The following FLACC1 variants were observed in gnomAD, a reference collection of about 807,000 sequenced individuals.
FLACC1 encodes flagellum associated containing coiled-coil domains 1.
FLACC1 carries 66 observed loss-of-function variants against 62.8 expected under a neutral mutation model. That is an observed-to-expected ratio of 1.05 (90% CI 0.86 to 1.29). FLACC1 has a LOEUF of 1.29. Among genes scored for constraint, FLACC1 ranks in the 50% most tolerant of loss-of-function variants. FLACC1 has a pLI of 0.00. For missense variants in FLACC1, 452 were observed against 489.1 expected (o/e 0.92, Z 0.71); for synonymous variants, 156 against 161.0 (o/e 0.97, Z 0.24).
Position 201,346,301 on chromosome 2 carries a change from TA to T in FLACC1, c.368+240del, listed in dbSNP as rs1221383254. ...TTGCTATCCTTTGGGATCAATCACA[TA>T]ACTCCCAATCTTCATCCTGCCCCTT... On this transcript the variant is annotated intron_variant, in intron 5 of 14. Coordinates refer to ENST00000392257, the MANE Select transcript of FLACC1 (RefSeq NM_001127391.3). The surrounding 1 kb of genome is among the most constrained non-coding windows in gnomAD (Gnocchi z 4.0). 6.6e-6 allele frequency among the ~76,000 whole-genome samples: 1 copy of T among 152,200 alleles called. No homozygotes were observed. The highest frequency in any genetic ancestry group is 1.5e-5 in the Non-Finnish European group (1 of 68,028).
intron 7 of FLACC1, among the ~76,000 whole-genome samples, chr2:201,334,086 C>A (rs1950647287): frequency 6.6e-6 from 1 of 152,190 alleles, no homozygotes; most frequent in African/African-American, 2.4e-5. Context: ...TGTTTCCTGA[C>A]TTTTTAATGA....
chr2:201,351,171 G>A, intron 2 of FLACC1, 121 bp downstream of exon 2: 1 of 872,504 alleles, frequency 1.1e-6, no homozygotes, highest in East Asian at 2.7e-5. Context: ...GGAAAGCGAG[G>A]CTTTCTGGCC....
chr2:201,341,942 G>A (rs1415271520), intron 7 of FLACC1, among the ~76,000 whole-genome samples: 1 of 151,874 alleles, frequency 6.6e-6, no homozygotes, highest in East Asian at 1.9e-4. Context: ...TTCCTATTTT[G>A]CTGAGGCCCT....
rs745631054 is a variant in FLACC1 at position 201,346,601 on chromosome 2, C to G, written c.309G>C (p.Glu103Asp). Residue 103 changes from glutamate to aspartate, a missense_variant, in exon 5 of 15, where the codon GAG (glutamate) becomes GAC (aspartate). Around this residue, in one of 3 missense-constraint regions of FLACC1, gnomAD observed 147 missense variants for 152.7 expected, o/e 0.96. Coordinates refer to ENST00000392257, the MANE Select transcript of FLACC1 (RefSeq NM_001127391.3). The surrounding 1 kb of genome is among the most constrained non-coding windows in gnomAD (Gnocchi z 4.0). ...REQISVTLGD[E>D]MFDRKKRWES... ...CCCACCGCTTTTTCCTATCAAACATCTCATCCCCTAAGGTGACAGAAATCT... is the reference window on the plus strand; with the variant it reads ...CCCACCGCTTTTTCCTATCAAACATGTCATCCCCTAAGGTGACAGAAATCT... 3.1e-6 allele frequency: 5 copies of G among 1,614,254 alleles called. No individual in the cohort carries two copies. The highest frequency in any genetic ancestry group is 1.1e-5 in the South Asian group (1 of 91,088).
intron 9 of FLACC1, among the ~76,000 whole-genome samples, chr2:201,309,905 C>CAAAAAAAA (rs1161849891): frequency 8.7e-4 from 39 of 44,644 alleles, no homozygotes; most frequent in African/African-American, 1.0e-3. Context: ...GACTCTGTCT[C>CAAAAAAAA]AAAAAAAAAA....
At chr2:201,327,062 A>C (rs1316291634) in intron 9 of FLACC1, among the ~76,000 whole-genome samples, 1 of 152,216 alleles carries the variant, frequency 6.6e-6, no homozygotes, top group Non-Finnish European at 1.5e-5. Context: ...AAACAAAAAC[A>C]TAAATTGGGG....
chr2:201,343,262 T>G (rs1950846765), intron 6 of FLACC1, among the ~76,000 whole-genome samples: 1 of 152,252 alleles, frequency 6.6e-6, no homozygotes, highest in Non-Finnish European at 1.5e-5. Context: ...TTCAGCAGGA[T>G]CTGTGCCTAT....
intron 9 of FLACC1, among the ~76,000 whole-genome samples, chr2:201,317,406 C>T (rs886873985): frequency 3.9e-5 from 6 of 152,174 alleles, no homozygotes; most frequent in Admixed American, 2.6e-4. Context: ...ACACTGACAG[C>T]GACTAAGGTG....
intron 9 of FLACC1, among the ~76,000 whole-genome samples, chr2:201,311,549 CAG>C (rs1303243120): frequency 1.3e-5 from 2 of 151,674 alleles, no homozygotes; most frequent in Non-Finnish European, 2.9e-5. Context: ...CCCACATCTA[CAG>C]AAAAAATAAA....
intron 12 of FLACC1, among the ~76,000 whole-genome samples, chr2:201,290,807 T>G (rs1047098471): frequency 6.6e-6 from 1 of 152,166 alleles, no homozygotes; most frequent in African/African-American, 2.4e-5. Flanking sequence ...AGATGGCACC[T>G]GGAAAATCAG....
chr2:201,319,969 C>T (rs1011833200), intron 9 of FLACC1, among the ~76,000 whole-genome samples: 1 of 152,196 alleles, frequency 6.6e-6, no homozygotes, highest in African/African-American at 2.4e-5. Flanking sequence ...GGGGGACTCA[C>T]CCTACATTAC....
chr2:201,364,227 G>C, the FLACC1 span, among the ~76,000 whole-genome samples: 1 of 151,702 alleles, frequency 6.6e-6, no homozygotes, highest in African/African-American at 2.4e-5. Flanking sequence ...ACCCTACCCA[G>C]CATTCTTTAT....
chr2:201,306,033 T>C (rs1456707661), intron 11 of FLACC1, among the ~76,000 whole-genome samples: 3 of 151,710 alleles, frequency 2.0e-5, no homozygotes, highest in Admixed American at 6.6e-5. Context: ...TGTATACATA[T>C]TTAACACACT....
chr2:201,308,311 A>G (rs2125561832), intron 10 of FLACC1, among the ~76,000 whole-genome samples: 1 of 152,288 alleles, frequency 6.6e-6, no homozygotes, highest in East Asian at 1.9e-4. Context: ...TTGCACTAGA[A>G]TTCTAGGTAA....
chr2:201,353,728 C>T (rs1951070741), intron 1 of FLACC1, among the ~76,000 whole-genome samples: 2 of 152,134 alleles, frequency 1.3e-5, no homozygotes, highest in East Asian at 1.9e-4. Flanking sequence ...TGTAGGCCTC[C>T]AGCCTCCTAC....
intron 7 of FLACC1, among the ~76,000 whole-genome samples, chr2:201,340,781 A>C (rs912426989): frequency 6.6e-6 from 1 of 152,060 alleles, no homozygotes; most frequent in African/African-American, 2.4e-5. Context: ...TCCTTTTGCA[A>C]TTTCTGTAAG....
chr2:201,303,584 C>G (rs1197054328), intron 11 of FLACC1, among the ~76,000 whole-genome samples: 3 of 152,184 alleles, frequency 2.0e-5, no homozygotes, highest in Non-Finnish European at 4.4e-5. Flanking sequence ...TTTTATGAGG[C>G]CAGCATCATC....
chr2:201,326,260 A>G lies in FLACC1; in HGVS notation c.675+4210T>C, dbSNP rs1950499061. Among the ~76,000 whole-genome samples, 1 of 152,208 alleles carries G rather than the reference A, an allele frequency of 6.6e-6. No homozygotes were observed. Among genetic ancestry groups the G allele is most frequent in the African/African-American group, 2.4e-5 (1 of 41,462 alleles). On this transcript the variant is annotated intron_variant, in intron 9 of 14. Coordinates refer to ENST00000392257, the MANE Select transcript of FLACC1 (RefSeq NM_001127391.3). The surrounding 1 kb of genome is among the most constrained non-coding windows in gnomAD (Gnocchi z 4.1). ...TTCCCCTTGAGAACCGGAACAAGAC[A>G]AGATGGCCACCTTCACTTTCACCAC... is the stretch of plus-strand genomic sequence containing the variant.
chr2:201,355,370 A>C (rs1048074808), intron 1 of FLACC1, among the ~76,000 whole-genome samples: 8 of 152,218 alleles, frequency 5.3e-5, no homozygotes, highest in African/African-American at 1.9e-4. Flanking sequence ...AATCGTCATT[A>C]CCATATTATA....
Sources: gnomAD v4.1 joint callset for allele counts (sites outside exome capture counted in the v4.1 genomes callset) on GRCh38, gnomAD v4.1.1 for gene constraint, gnomAD v4.1.1 regional missense constraint, Gnocchi (gnomAD v3.1) non-coding constraint, MANE v1.5 for transcripts, NCBI Gene and HGNC (gene_info 2026-07-23, HGNC 2026-07-21) for gene names.